Variants in DOT1L observed in about 807,000 individuals in gnomAD.
DOT1L encodes the protein DOT1 like histone lysine methyltransferase, also known as histone-lysine N-methyltransferase, H3 lysine-79 specific.
Under a neutral mutation model 153.3 loss-of-function variants are expected in DOT1L, and 33 were observed. That is an observed-to-expected ratio of 0.22 (90% CI 0.16 to 0.29). The LOEUF is 0.29. Ranked by LOEUF, DOT1L falls within the 10% of genes least tolerant of loss-of-function variation. The probability of loss-of-function intolerance (pLI) is 1.00; values close to 1 mark genes in which losing one functional copy is unlikely to be tolerated. For missense variants in DOT1L, 1,847 were observed against 2,119.9 expected, an observed-to-expected ratio of 0.87 and a Z score of 2.53; for synonymous variants, 1,135 against 965.1, an observed-to-expected ratio of 1.18 and a Z score of -3.26.
intron 19 of DOT1L, chr19:2,215,815 C>T (rs569427380): frequency 6.5e-6 from 1 of 154,014 alleles, no homozygotes; most frequent in Non-Finnish European, 1.4e-5. Flanking sequence ...CCATTTTTGT[C>T]ATCATCTTTT....
intron 22 of DOT1L, among the ~76,000 whole-genome samples, chr19:2,218,754 T>C (rs1269277078): frequency 6.6e-6 from 1 of 151,730 alleles, no homozygotes; most frequent in African/African-American, 2.4e-5. Context: ...TGGAGTGCAA[T>C]TGTGTGATCT....
chr19:2,232,046 T>C lies in DOT1L; in HGVS notation c.*2254T>C. 1 of 209,510 alleles carries C rather than the reference T, an allele frequency of 4.8e-6. No individual in the cohort carries two copies. Among genetic ancestry groups the C allele is most frequent in the Non-Finnish European group, 9.7e-6 (1 of 103,070 alleles). 13.0% of individuals were successfully genotyped at this position (209,510 alleles called of 1,614,324 possible). A position where few individuals can be genotyped will look rare whatever the true frequency, so the allele number is the denominator to read the frequency against. On this transcript the variant is annotated 3_prime_UTR_variant, in exon 28 of 28. Transcript: ENST00000398665. ...TCTCAGACACTCCCAGACTGAGGGG[T>C]GGTGTGTGGCGGGTGGCAGGGTGGC...
chr19:2,182,629 T>G (rs1261490246), intron 2 of DOT1L, among the ~76,000 whole-genome samples: 1 of 151,470 alleles, frequency 6.6e-6, no homozygotes, highest in African/African-American at 2.4e-5. Context: ...CTCTCTGGGT[T>G]AGGATCTCGG....
chr19:2,207,248 C>T lies in DOT1L; in HGVS notation c.857-326C>T, dbSNP rs936322924. 2.0e-5 allele frequency among the ~76,000 whole-genome samples: 3 copies of T among 152,228 alleles called. No homozygotes were observed. The highest frequency in any genetic ancestry group is 4.8e-5 in the African/African-American group (2 of 41,452). On this transcript the variant is annotated intron_variant, in intron 10 of 27. Transcript: ENST00000398665. This position sits in a 1 kb window ranked among gnomAD's most constrained non-coding sequence, Gnocchi z 4.5. ...GGGGCTTCCCTGAGGAGCGCCCACC[C>T]GGGAGGTGCCTGTGTTGCTGGATGC...
rs545123878 is a variant in DOT1L, at chr19:2,197,635, C to T, written c.652-2249C>T. 7.1e-4 allele frequency among the ~76,000 whole-genome samples: 108 copies of T among 152,260 alleles called. No homozygotes were observed. The highest frequency in any genetic ancestry group is 1.2e-3 in the Non-Finnish European group (81 of 68,014). On this transcript the variant is annotated intron_variant, in intron 7 of 27. Coordinates refer to ENST00000398665, the MANE Select transcript of DOT1L (RefSeq NM_032482.3). This position sits in a 1 kb window ranked among gnomAD's most constrained non-coding sequence, Gnocchi z 4.1. ...GGTGCTCCTGGCATGGAGCTGCGTT[C>T]GTGGTCTGGATTCCGTGCAGGTTTA...
intron 8 of DOT1L, among the ~76,000 whole-genome samples, chr19:2,201,768 C>T (rs994431689): frequency 1.3e-5 from 2 of 152,240 alleles, no homozygotes; most frequent in African/African-American, 2.4e-5. Context: ...TGGGCTCGGC[C>T]CAGGCTCTCA....
intron 2 of DOT1L, among the ~76,000 whole-genome samples, chr19:2,184,783 G>C (rs1259965560): frequency 6.6e-6 from 1 of 152,180 alleles, no homozygotes; most frequent in African/African-American, 2.4e-5. Flanking sequence ...TTGTTCCTTC[G>C]GTGAATTGCA....
intron 7 of DOT1L, among the ~76,000 whole-genome samples, chr19:2,198,999 G>A (rs1369466640): frequency 6.6e-6 from 1 of 152,222 alleles, no homozygotes; most frequent in Non-Finnish European, 1.5e-5. Flanking sequence ...TGGCTGTGAT[G>A]AGTTGTGTTG....
In DOT1L at chr19:2,193,790, G is replaced by A. The variant is rs747123819; in HGVS notation, c.588+7G>A. 9.3e-6 allele frequency: 15 copies of A among 1,612,654 alleles called. No individual in the cohort carries two copies. In the Admixed American group the frequency reaches 2.2e-4, roughly 23 times the overall value. ...CCCGGCCAAGTATGCGGAGGTGAGC[G>A]GATCTGAGGGCCAGGGTGTGTTGGA... On this transcript the variant is annotated splice_region_variant and intron_variant, in intron 6 of 27. Coordinates refer to ENST00000398665, the MANE Select transcript of DOT1L (RefSeq NM_032482.3). This position sits in a 1 kb window ranked among gnomAD's most constrained non-coding sequence, Gnocchi z 5.9.
At chr19:2,180,548 T>C (rs1352978646) in intron 1 of DOT1L, among the ~76,000 whole-genome samples, 165 bp from the exon 2 acceptor site, 1 of 151,942 alleles carries the variant, frequency 6.6e-6, no homozygotes, top group Non-Finnish European at 1.5e-5. Flanking sequence ...TGGTCCAGGG[T>C]CTGGGAGTGT....
At chr19:2,166,687 A>G (rs2019936291) in intron 1 of DOT1L, among the ~76,000 whole-genome samples, 1 of 152,232 alleles carries the variant, frequency 6.6e-6, no homozygotes, top group African/African-American at 2.4e-5. Context: ...CCGGGATTAC[A>G]GGGGTGAGCC....
chr19:2,220,435 C>A lies in DOT1L; in HGVS notation c.2806+213C>A. On this transcript the variant is annotated intron_variant, in intron 23 of 27. Coordinates refer to ENST00000398665, the MANE Select transcript of DOT1L (RefSeq NM_032482.3). The surrounding 1 kb of genome is among the most constrained non-coding windows in gnomAD (Gnocchi z 4.5). The stretch of plus-strand genomic sequence containing the variant: ...CAGCTGCAGCCATCTCGGCCTCATA[C>A]CTGGGTCTCCCGACACTGACACCTC... 1.5e-6 allele frequency: 1 copy of A among 665,372 alleles called. No individual in the cohort carries two copies. Among genetic ancestry groups the A allele is most frequent in the Non-Finnish European group, 2.8e-6 (1 of 361,654 alleles). The allele number at this position is 665,372 out of a possible 1,614,324, so 41.2% of individuals were successfully genotyped here.
At chr19:2,223,063 G>A (rs2024187820) in intron 24 of DOT1L, among the ~76,000 whole-genome samples, 1 of 151,978 alleles carries the variant, frequency 6.6e-6, no homozygotes, top group Non-Finnish European at 1.5e-5. Flanking sequence ...AGTGGTGGTG[G>A]GCACATCAGG....
Position 2,188,191 on chromosome 19 carries a change from A to G in DOT1L, c.201-1541A>G, listed in dbSNP as rs558026525. 1.2e-3 allele frequency: 176 copies of G among 152,046 alleles called. No individual in the cohort carries two copies. In the South Asian group the frequency reaches 0.02, roughly 17 times the overall value. 9.4% of individuals were successfully genotyped at this position (152,046 alleles called of 1,614,324 possible). A position where few individuals can be genotyped will look rare whatever the true frequency, so the allele number is the denominator to read the frequency against. On this transcript the variant is annotated intron_variant, in intron 3 of 27. Coordinates refer to ENST00000398665, the MANE Select transcript of DOT1L (RefSeq NM_032482.3). The stretch of plus-strand genomic sequence containing the variant: ...CTCTTAAGTTCTCTTGCTTTATCCT[A>G]TGCAGCTGCTGGTTAAGGAAAACAT...
chr19:2,228,948 G>A (rs898076254), intron 27 of DOT1L: 1 of 985,426 alleles, frequency 1.0e-6, no homozygotes, highest in Admixed American at 6.1e-5. Context: ...CTGCCTGGGG[G>A]CTGATGGGTT....
rs181469784 is a variant in DOT1L at position 2,217,345 on chromosome 19, G to A, written c.2544+255G>A. ...TGCCTCTTAGTTCTCAGTGACGGAC[G>A]GCAAGTGCTGGTAGAGACACAGAGC... On this transcript the variant is annotated intron_variant, in intron 21 of 27. Transcript: ENST00000398665. This position sits in a 1 kb window ranked among gnomAD's most constrained non-coding sequence, Gnocchi z 7.3. Among the ~76,000 whole-genome samples, 32 of 152,276 alleles carry A rather than the reference G, an allele frequency of 2.1e-4. No homozygotes were observed. The highest frequency in any genetic ancestry group is 4.0e-4 in the Non-Finnish European group (27 of 68,020).
chr19:2,214,478 C>T lies in DOT1L; in HGVS notation c.1805C>T (p.Ala602Val). Residue 602 changes from alanine to valine, a missense_variant, in exon 19 of 28, where the codon GCT (alanine) becomes GTT (valine). Coordinates refer to ENST00000398665, the MANE Select transcript of DOT1L (RefSeq NM_032482.3). ...CCATCCCTATCCCCTCAGCTCAAGGCTCGCTGCGAGGAGCTGCAGCTGGAC... is the reference window on the plus strand; with the variant it reads ...CCATCCCTATCCCCTCAGCTCAAGGTTCGCTGCGAGGAGCTGCAGCTGGAC... Reference protein sequence around the residue: ...LRGQSLQLLKARCEELQLDWA... With the variant: ...LRGQSLQLLKVRCEELQLDWA... 1.2e-6 allele frequency: 2 copies of T among 1,612,780 alleles called. No homozygotes were observed. The highest frequency in any genetic ancestry group is 1.7e-6 in the Non-Finnish European group (2 of 1,179,776).
intron 9 of DOT1L, among the ~76,000 whole-genome samples, chr19:2,206,031 C>CT (rs759192714): frequency 6.6e-6 from 1 of 151,576 alleles, no homozygotes; most frequent in African/African-American, 2.4e-5. Flanking sequence ...GAGTCTCTCT[C>CT]TATCGCCCAG....
In DOT1L at chr19:2,193,947, G is replaced by A. The variant is rs1200974082; in HGVS notation, c.588+164G>A. Among the ~76,000 whole-genome samples, 1 of 152,146 alleles carries A rather than the reference G, an allele frequency of 6.6e-6. No individual in the cohort carries two copies. Among genetic ancestry groups the A allele is most frequent in the Non-Finnish European group, 1.5e-5 (1 of 68,000 alleles). On this transcript the variant is annotated intron_variant, in intron 6 of 27. Coordinates refer to ENST00000398665, the MANE Select transcript of DOT1L (RefSeq NM_032482.3). This position sits in a 1 kb window ranked among gnomAD's most constrained non-coding sequence, Gnocchi z 5.9. ...CCTGCAGCGTGTGCCTGTGAATAGGGTGCCCGATCGCCCTCACGGCCCATT... is the reference window on the plus strand; with the variant it reads ...CCTGCAGCGTGTGCCTGTGAATAGGATGCCCGATCGCCCTCACGGCCCATT...
Sources: allele counts gnomAD v4.1 joint callset (sites outside exome capture counted in the v4.1 genomes callset), GRCh38; gene constraint gnomAD v4.1.1; non-coding constraint Gnocchi (gnomAD v3.1); transcripts MANE v1.5; gene names NCBI Gene and HGNC (gene_info 2026-07-23, HGNC 2026-07-21).